Variants in CACNB4 observed in about 807,000 individuals in gnomAD.
The protein encoded by CACNB4 is calcium voltage-gated channel auxiliary subunit beta 4, also known as voltage-dependent L-type calcium channel subunit beta-4.
A neutral mutation model predicts 71.2 loss-of-function variants in CACNB4; 32 were observed. That is an observed-to-expected ratio of 0.45 (90% CI 0.34 to 0.60). The LOEUF is 0.60. CACNB4 is among the 20% of genes least tolerant of loss of function. The probability of loss-of-function intolerance (pLI) is 0.01; values close to 1 mark genes in which losing one functional copy is unlikely to be tolerated. For missense variants in CACNB4, 464 were observed against 647.9 expected (o/e 0.72, Z 3.08); for synonymous variants, 231 against 236.9 (o/e 0.97, Z 0.23).
chr2:152,085,422 T>C (rs1304666784), intron 2 of CACNB4, among the ~76,000 whole-genome samples: 1 of 152,210 alleles, frequency 6.6e-6, no homozygotes, highest in Non-Finnish European at 1.5e-5. Context: ...AATAGGCTGC[T>C]TGTTAACCCA....
chr2:151,878,204 G>GTATA (rs3068791), intron 4 of CACNB4, among the ~76,000 whole-genome samples: 258 of 149,926 alleles, frequency 1.7e-3, no homozygotes, highest in African/African-American at 5.6e-3. Context: ...GTCTGTGTGT[G>GTATA]TATATATATA....
At chr2:151,962,367 A>G (rs778679225) in intron 2 of CACNB4, among the ~76,000 whole-genome samples, 1 of 152,128 alleles carries the variant, frequency 6.6e-6, no homozygotes, top group Non-Finnish European at 1.5e-5. Context: ...CTCTCAATTT[A>G]TCCTAATTTG....
rs2099834478 is a variant in CACNB4, at chr2:151,834,558, A to G, written c.*4561T>C. 6.6e-6 allele frequency: 1 copy of G among 152,006 alleles called. No individual in the cohort carries two copies. Among genetic ancestry groups the G allele is most frequent in the Admixed American group, 6.5e-5 (1 of 15,270 alleles). 9.4% of individuals were successfully genotyped at this position (152,006 alleles called of 1,614,324 possible). A position where few individuals can be genotyped will look rare whatever the true frequency, so the allele number is the denominator to read the frequency against. ...TTATTTAAGAAAGTCCATTTTAATA[A>G]AAGAAGAAACTTTTAAAAGTAATTT... On this transcript the variant is annotated 3_prime_UTR_variant, in exon 14 of 14. Coordinates refer to ENST00000539935, the MANE Select transcript of CACNB4 (RefSeq NM_000726.5).
intron 10 of CACNB4, chr2:151,859,004 A>G (rs1333238300): frequency 1.3e-5 from 2 of 152,084 alleles, no homozygotes; most frequent in East Asian, 3.8e-4. Context: ...TTATGTCTTT[A>G]TTTCCTAAGT....
rs376232100 is a variant in CACNB4 at position 151,851,621 on chromosome 2, C to A, written c.1116+1827G>T. ...TATGTACAACTACTCAATGATCAAC[C>A]CTCTCAGCAGCTAAAATCCCTCAAA... On this transcript the variant is annotated intron_variant, in intron 12 of 13. Coordinates refer to ENST00000539935, the MANE Select transcript of CACNB4 (RefSeq NM_000726.5). 2.6e-5 allele frequency: 4 copies of A among 152,240 alleles called. No homozygotes were observed. In the East Asian group the frequency reaches 7.7e-4, roughly 29 times the overall value. The allele number at this position is 152,240 out of a possible 1,614,324, so 9.4% of individuals were successfully genotyped here. A position where few individuals can be genotyped will look rare whatever the true frequency, so the allele number is the denominator to read the frequency against.
At chr2:151,902,040 T>C (rs2099853577) in intron 2 of CACNB4, among the ~76,000 whole-genome samples, 1 of 44,942 alleles carries the variant, frequency 2.2e-5, no homozygotes, top group African/African-American at 3.7e-5. Context: ...ACCTTTTTTT[T>C]TTTTTTTTTT....
At chr2:151,963,243 C>T (rs1020225429) in intron 2 of CACNB4, among the ~76,000 whole-genome samples, 1 of 144,558 alleles carries the variant, frequency 6.9e-6, no homozygotes, top group South Asian at 2.2e-4. Context: ...ACCTGGGAGA[C>T]GGAGCTTGTA....
intron 2 of CACNB4, among the ~76,000 whole-genome samples, chr2:152,036,315 T>C (rs1409073807): frequency 6.6e-6 from 1 of 152,174 alleles, no homozygotes; most frequent in Non-Finnish European, 1.5e-5. Flanking sequence ...ATGTTTTGTT[T>C]TGTTTTGAGA....
chr2:151,989,005 C>A (rs1044773609), intron 2 of CACNB4, among the ~76,000 whole-genome samples: 1 of 152,210 alleles, frequency 6.6e-6, no homozygotes, highest in Non-Finnish European at 1.5e-5. Flanking sequence ...AATAGAGCAA[C>A]TGACAATTCC....
chr2:152,053,864 G>C (rs560755449), intron 2 of CACNB4, among the ~76,000 whole-genome samples: 1 of 152,212 alleles, frequency 6.6e-6, no homozygotes, highest in South Asian at 2.1e-4. Context: ...TGAGGGTCAT[G>C]GGAATCCCTC....
At chr2:151,983,364 T>G (rs767163339) in intron 2 of CACNB4, among the ~76,000 whole-genome samples, 5 of 152,202 alleles carry the variant, frequency 3.3e-5, no homozygotes, top group Non-Finnish European at 7.4e-5. Context: ...GATTGGTCAT[T>G]TCCTTTGCAG....
At chr2:151,843,704 A>G (rs1559851647) in intron 12 of CACNB4, among the ~76,000 whole-genome samples, 1 of 152,214 alleles carries the variant, frequency 6.6e-6, no homozygotes, top group Non-Finnish European at 1.5e-5. Flanking sequence ...AGAACCTCCC[A>G]GGAATGAATC....
At position 152,072,895 on chromosome 2, in the gene CACNB4, C is replaced by T. The variant is rs190516080; in HGVS notation, c.147+25435G>A. Reference sequence around the variant, plus strand: ...CGATCTCCTGACCTCAGGATCCGCCCGCCTCGGCCTCCCAAAGTGCTGGGA... The same window carrying T: ...CGATCTCCTGACCTCAGGATCCGCCTGCCTCGGCCTCCCAAAGTGCTGGGA... On this transcript the variant is annotated intron_variant, in intron 2 of 13. Transcript: ENST00000539935. Among the ~76,000 whole-genome samples, 449 of 151,988 alleles carry T rather than the reference C, an allele frequency of 3.0e-3. 5 individuals carry two copies. The highest frequency in any genetic ancestry group is 0.01 in the African/African-American group (434 of 41,456).
At chr2:151,931,983 C>T (rs973920675) in intron 2 of CACNB4, among the ~76,000 whole-genome samples, 1 of 151,876 alleles carries the variant, frequency 6.6e-6, no homozygotes, top group African/African-American at 2.4e-5. Flanking sequence ...AAATAAACAA[C>T]CAAAAATATG....
Position 151,957,257 on chromosome 2 carries a change from C to CGTGTATGTGTGTGTGTGTGTGT in CACNB4, c.148-73888_148-73887insACACACACACACACACATACAC, listed in dbSNP as rs3068823. ...AGAAAAAAAAAGTAGAGTGGCTGGGCGTGTGTGTGTGTGTGTGTGTGTGTG... is the reference window on the plus strand; with the variant it reads ...AGAAAAAAAAAGTAGAGTGGCTGGGCGTGTATGTGTGTGTGTGTGTGTGTGTGTGTGTGTGTGTGTGTGTGTG... On this transcript the variant is annotated intron_variant, in intron 2 of 13. Transcript: ENST00000539935. Among the ~76,000 whole-genome samples the CGTGTATGTGTGTGTGTGTGTGT allele has an allele frequency of 3.7e-3, 482 of 131,858 alleles. 17 individuals carry two copies. Among genetic ancestry groups the CGTGTATGTGTGTGTGTGTGTGT allele is most frequent in the Non-Finnish European group, 5.0e-3 (311 of 61,758 alleles). 86.5% of individuals were successfully genotyped at this position (131,858 alleles called of 152,430 possible). A position where few individuals can be genotyped will look rare whatever the true frequency, so the allele number is the denominator to read the frequency against.
intron 2 of CACNB4, among the ~76,000 whole-genome samples, chr2:151,963,714 A>G (rs577686655): frequency 5.3e-5 from 8 of 152,286 alleles, no homozygotes; most frequent in African/African-American, 1.7e-4. Flanking sequence ...TTGATCCAGT[A>G]ATTTTGCTTC....
At chr2:151,895,110 A>C (rs1434058376) in intron 2 of CACNB4, among the ~76,000 whole-genome samples, 9 of 136,574 alleles carry the variant, frequency 6.6e-5, no homozygotes, top group African/African-American at 2.4e-4. Context: ...ACACACACAC[A>C]CACACACACA....
At position 152,093,400 on chromosome 2, in the gene CACNB4, G is replaced by GGTGTGTGTGTGTGTGTGT. The variant is rs34845177; in HGVS notation, c.147+4912_147+4929dup. Among the ~76,000 whole-genome samples the GGTGTGTGTGTGTGTGTGT allele has an allele frequency of 6.1e-4, 90 of 146,644 alleles. 1 individual carries two copies. Among genetic ancestry groups the GGTGTGTGTGTGTGTGTGT allele is most frequent in the South Asian group, 4.2e-3 (19 of 4,556 alleles). ...CACTGAATTTGACTTGCTGTTTTTT[G>GGTGTGTGTGTGTGTGTGT]GTGTGTGTGTGTGTGTGTGTGTGTG... On this transcript the variant is annotated intron_variant, in intron 2 of 13. Coordinates refer to ENST00000539935, the MANE Select transcript of CACNB4 (RefSeq NM_000726.5).
At chr2:151,940,178 T>C (rs2099863891) in intron 2 of CACNB4, among the ~76,000 whole-genome samples, 1 of 152,236 alleles carries the variant, frequency 6.6e-6, no homozygotes, top group South Asian at 2.1e-4. Context: ...CTCTTTCTAG[T>C]TAATGTAACA....
Sources: allele counts gnomAD v4.1 joint callset (sites outside exome capture counted in the v4.1 genomes callset), GRCh38; gene constraint gnomAD v4.1.1; transcripts MANE v1.5; gene names NCBI Gene and HGNC (gene_info 2026-07-23, HGNC 2026-07-21).